MYO3A: variants seen among roughly 807,000 people sequenced by gnomAD.
MYO3A encodes the protein myosin IIIA.
In MYO3A, 180 loss-of-function variants were observed where a neutral mutation model predicts 192.7. The ratio of observed to expected loss-of-function variants is 0.93; its 90% CI spans 0.83 to 1.06. The LOEUF (loss-of-function observed/expected upper bound fraction) is 1.06, where lower values mean the gene tolerates loss of function less well. MYO3A is among the 50% of genes least tolerant of loss of function. MYO3A has a pLI of 0.00. For missense variants in MYO3A, 1,896 were observed against 1,905.0 expected, an observed-to-expected ratio of 1.00 and a Z score of 0.09; for synonymous variants, 628 against 645.3, an observed-to-expected ratio of 0.97 and a Z score of 0.41.
chr10:26,006,161 T>A (rs1005495805), intron 6 of MYO3A, among the ~76,000 whole-genome samples: 1 of 152,000 alleles, frequency 6.6e-6, no homozygotes, highest in East Asian at 1.9e-4. Flanking sequence ...AAGGCAGAAA[T>A]AAAGATGTTC....
chr10:26,087,461 A>G (rs901211518), intron 14 of MYO3A, among the ~76,000 whole-genome samples: 3 of 152,194 alleles, frequency 2.0e-5, no homozygotes, highest in African/African-American at 4.8e-5. Flanking sequence ...TACACTGAAA[A>G]TCTACTTAAG....
At chr10:26,009,006 A>G (rs1258238890) in intron 6 of MYO3A, among the ~76,000 whole-genome samples, 2 of 152,014 alleles carry the variant, frequency 1.3e-5, no homozygotes, top group African/African-American at 4.8e-5. Context: ...AGACTGGATT[A>G]AGAAAATGTG....
intron 10 of MYO3A, among the ~76,000 whole-genome samples, chr10:26,031,443 G>A (rs1190550512): frequency 6.6e-6 from 1 of 152,198 alleles, no homozygotes; most frequent in African/African-American, 2.4e-5. Flanking sequence ...GAGGTTCTAA[G>A]TTCCATACTG....
At chr10:26,109,036 T>C (rs1052410175) in intron 17 of MYO3A, among the ~76,000 whole-genome samples, 3 of 152,214 alleles carry the variant, frequency 2.0e-5, no homozygotes, top group African/African-American at 7.2e-5. Flanking sequence ...AGTTATTTGA[T>C]AGAACAAGAA....
chr10:26,141,745 A>T (rs1432248689), intron 20 of MYO3A, among the ~76,000 whole-genome samples: 3 of 152,226 alleles, frequency 2.0e-5, no homozygotes, highest in Non-Finnish European at 2.9e-5. Context: ...ACTTCAAGTC[A>T]TCGTTTTCAT....
chr10:26,183,140 C>G (rs1244090183), intron 31 of MYO3A, among the ~76,000 whole-genome samples: 1 of 152,170 alleles, frequency 6.6e-6, no homozygotes, highest in African/African-American at 2.4e-5. Flanking sequence ...ACCCCCCACA[C>G]AGGCTGCTTT....
intron 6 of MYO3A, among the ~76,000 whole-genome samples, chr10:26,010,099 G>C (rs572313214): frequency 1.3e-5 from 2 of 152,260 alleles, no homozygotes; most frequent in Admixed American, 1.3e-4. Flanking sequence ...GAAGAATGCA[G>C]CAAACAGTGT....
intron 4 of MYO3A, among the ~76,000 whole-genome samples, chr10:25,988,462 A>C (rs939366465): frequency 4.6e-5 from 7 of 152,164 alleles, no homozygotes; most frequent in African/African-American, 1.7e-4. Flanking sequence ...AACAACTAGA[A>C]CTCTCATACA....
intron 10 of MYO3A, among the ~76,000 whole-genome samples, chr10:26,052,439 A>T (rs1165976434): frequency 6.6e-6 from 1 of 152,182 alleles, no homozygotes; most frequent in Non-Finnish European, 1.5e-5. Context: ...ATGGCTCACC[A>T]GGCTGGTGTG....
chr10:26,201,407 G>A (rs1400968390), intron 33 of MYO3A, 102 bp downstream of exon 33: 20 of 847,366 alleles, frequency 2.4e-5, no homozygotes, highest in Admixed American at 5.0e-5. Flanking sequence ...TAGGCCAGGC[G>A]CGGTGGCTCA....
chr10:26,024,045 A>C lies in MYO3A; in HGVS notation c.755A>C (p.Gln252Pro), dbSNP rs1842434381. 1 of 1,613,316 alleles carries C rather than the reference A, an allele frequency of 6.2e-7. No individual in the cohort carries two copies. Among genetic ancestry groups the C allele is most frequent in the South Asian group, 1.1e-5 (1 of 91,076 alleles). ...IPRNPPPKLR[Q>P]PELWSAEFND... is the part of the protein sequence containing the mutation. The stretch of plus-strand genomic sequence containing the variant: ...AGGAATCCACCCCCAAAACTAAGGC[A>C]GCCTGAGCTATGGTCAGCAGAATTC... The change falls in exon 9 of 35, where the codon CAG (glutamine) becomes CCG (proline). Residue 252 changes from glutamine (Q) to proline (P), a missense_variant. Coordinates refer to ENST00000642920, the MANE Select transcript of MYO3A (RefSeq NM_017433.5).
Position 26,067,027 on chromosome 10 carries a change from A to T in MYO3A, c.1006A>T (p.Asn336Tyr). The change falls in exon 11 of 35, where the codon AAT becomes TAT. Residue 336 changes from asparagine (N) to tyrosine (Y), a missense_variant. By Grantham distance (143) the Asn-to-Tyr change is moderately radical. Coordinates refer to ENST00000642920, the MANE Select transcript of MYO3A (RefSeq NM_017433.5). ...GAACTTCAACCGACCTCTAATATCCAATCTGAAGGATGTAGATGATTTAGC... is the reference window on the plus strand; with the variant it reads ...GAACTTCAACCGACCTCTAATATCCTATCTGAAGGATGTAGATGATTTAGC... ...KGNFNRPLISNLKDVDDLATL... is the reference protein window; with the variant it reads ...KGNFNRPLISYLKDVDDLATL... The T allele has an allele frequency of 1.2e-6, 2 of 1,613,258 alleles. No homozygotes were observed. The highest frequency in any genetic ancestry group is 1.7e-6 in the Non-Finnish European group (2 of 1,179,238).
chr10:26,056,857 A>G (rs1374954345), intron 10 of MYO3A, among the ~76,000 whole-genome samples: 3 of 152,156 alleles, frequency 2.0e-5, no homozygotes, highest in African/African-American at 4.8e-5. Flanking sequence ...AATCTCTTTA[A>G]AATTTCTCAA....
chr10:26,068,949 A>C, intron 12 of MYO3A, 65 bp downstream of exon 12: 1 of 1,087,682 alleles, frequency 9.2e-7, no homozygotes, highest in East Asian at 2.4e-5. Flanking sequence ...TACTTAAATT[A>C]ATTTAAATGA....
chr10:26,011,451 A>G (rs969512107), intron 6 of MYO3A, among the ~76,000 whole-genome samples: 2 of 148,888 alleles, frequency 1.3e-5, no homozygotes, highest in African/African-American at 5.2e-5. Flanking sequence ...TTTAAAAAAA[A>G]AGAAAATTAT....
intron 17 of MYO3A, among the ~76,000 whole-genome samples, chr10:26,101,799 A>G (rs1837471793): frequency 6.6e-6 from 1 of 152,176 alleles, no homozygotes. Flanking sequence ...TTTGTGGGTA[A>G]GCCGACCTTT....
chr10:26,116,743 A>G (rs1455400000), intron 17 of MYO3A, among the ~76,000 whole-genome samples: 1 of 152,126 alleles, frequency 6.6e-6, no homozygotes, highest in Non-Finnish European at 1.5e-5. Context: ...CCTCAGTACT[A>G]TTTACATTTG....
intron 25 of MYO3A, among the ~76,000 whole-genome samples, chr10:26,155,438 C>G (rs1220635866): frequency 2.0e-5 from 3 of 152,100 alleles, no homozygotes; most frequent in Non-Finnish European, 4.4e-5. Context: ...ATTATTGGTT[C>G]CAGTTCTTGT....
At chr10:26,170,133 G>A (rs1445444027) in intron 28 of MYO3A, among the ~76,000 whole-genome samples, 1 of 152,158 alleles carries the variant, frequency 6.6e-6, no homozygotes, top group Non-Finnish European at 1.5e-5. Context: ...TGAATTTTAA[G>A]CAAATGAGCA....
Sources: gnomAD v4.1 joint callset for allele counts (sites outside exome capture counted in the v4.1 genomes callset) on GRCh38, gnomAD v4.1.1 for gene constraint, MANE v1.5 for transcripts, NCBI Gene and HGNC (gene_info 2026-07-23, HGNC 2026-07-21) for gene names.